Variants in DMD observed in about 807,000 individuals in gnomAD.
DMD encodes the protein dystrophin, also known as mutant dystrophin.
DMD carries 63 observed loss-of-function variants against 330.1 expected under a neutral mutation model. The ratio of observed to expected loss-of-function variants is 0.19; its 90% CI spans 0.16 to 0.24. The LOEUF (loss-of-function observed/expected upper bound fraction) is 0.24, where lower values mean the gene tolerates loss of function less well. Ranked by LOEUF, DMD falls within the 10% of genes least tolerant of loss-of-function variation. DMD has a pLI of 1.00. For missense variants in DMD, 3,344 were observed against 2,684.1 expected (o/e 1.25, Z -5.43); for synonymous variants, 1,223 against 959.8 (o/e 1.27, Z -5.07).
chrX:31,876,699 C>A (rs775357853), intron 47 of DMD, among the ~76,000 whole-genome samples: 1,371 of 104,718 alleles, frequency 0.013, 9 homozygotes, highest in Non-Finnish European at 0.022. Context: ...AAAAAAAAAA[C>A]AAAAAAAACA....
intron 2 of DMD, among the ~76,000 whole-genome samples, chrX:32,936,280 T>C (rs1461843922): frequency 9.1e-6 from 1 of 110,400 alleles, no homozygotes; most frequent in Non-Finnish European, 1.9e-5. Context: ...CCTGGCTAAT[T>C]TTGTATTTTT....
intron 44 of DMD, among the ~76,000 whole-genome samples, chrX:32,051,486 A>G (rs1399867681): frequency 9.1e-6 from 1 of 110,453 alleles, no homozygotes; most frequent in Non-Finnish European, 1.9e-5. Flanking sequence ...TTAGAAAACT[A>G]AAAATGGCCT....
chrX:32,778,872 GTATCAT>G (rs1289702514), intron 7 of DMD, among the ~76,000 whole-genome samples: 94 of 97,069 alleles, frequency 9.7e-4, no homozygotes, highest in African/African-American at 5.3e-3. Context: ...CCTGTGTCAT[GTATCAT>G]GTACTATACT....
intron 49 of DMD, among the ~76,000 whole-genome samples, chrX:31,829,140 A>G (rs1304302252): frequency 8.9e-6 from 1 of 111,751 alleles, no homozygotes; most frequent in Non-Finnish European, 1.9e-5. Flanking sequence ...ACTAAATACC[A>G]TATGTTCTCA....
At chrX:32,496,069 C>T (rs1446967996) in intron 19 of DMD, among the ~76,000 whole-genome samples, 1 of 111,655 alleles carries the variant, frequency 9.0e-6, no homozygotes, top group Non-Finnish European at 1.9e-5. Context: ...AATTTTATTA[C>T]TTGTGTACAG....
intron 44 of DMD, chrX:32,035,513 C>T (rs952896355): frequency 5.5e-5 from 16 of 289,806 alleles, no homozygotes; most frequent in South Asian, 4.0e-4. Flanking sequence ...CTTATCCTAC[C>T]GTAACTTACA....
rs1232010743 is a variant in DMD at position 31,393,647 on chromosome X, T to C, written c.9085-45013A>G. Among the ~76,000 whole-genome samples, 8 of 111,152 alleles carry C rather than the reference T, an allele frequency of 7.2e-5. No homozygotes were observed. The Admixed American group carries it at 7.7e-4, about 11-fold the overall frequency. ...ACCAACTATACACCAGGTGCTCCAC[T>C]TTGCATTTTGCAAGCATTGTCTCAT... On this transcript the variant is annotated intron_variant, in intron 60 of 78. Coordinates refer to ENST00000357033, the MANE Select transcript of DMD (RefSeq NM_004006.3).
chrX:31,555,561 A>G (rs1457410954), intron 55 of DMD, among the ~76,000 whole-genome samples: 1 of 112,037 alleles, frequency 8.9e-6, no homozygotes, highest in Non-Finnish European at 1.9e-5. Flanking sequence ...CCAGCACCGT[A>G]AGTCTTCTGC....
chrX:32,059,352 C>T (rs1221442097), intron 44 of DMD, among the ~76,000 whole-genome samples: 1 of 110,850 alleles, frequency 9.0e-6, no homozygotes, highest in East Asian at 2.8e-4. Flanking sequence ...AATGGTATAC[C>T]TGACAACATA....
chrX:32,203,816 A>G (rs1034694909), intron 44 of DMD, among the ~76,000 whole-genome samples: 2 of 112,025 alleles, frequency 1.8e-5, no homozygotes, highest in African/African-American at 6.5e-5. Flanking sequence ...TAAATTATGA[A>G]GTGCTTTGTT....
chrX:31,908,664 T>A (rs1443187511), intron 47 of DMD, among the ~76,000 whole-genome samples: 2 of 98,287 alleles, frequency 2.0e-5, no homozygotes, highest in Non-Finnish European at 4.0e-5. Context: ...CACGCATACC[T>A]ATGTAACAAA....
intron 11 of DMD, among the ~76,000 whole-genome samples, chrX:32,641,949 A>AT (rs1423675631): frequency 1.8e-5 from 2 of 111,919 alleles, no homozygotes; most frequent in Non-Finnish European, 3.8e-5. Flanking sequence ...CATGACCATG[A>AT]TAATGGAAAC....
chrX:32,773,014 T>G (rs2073787956), intron 7 of DMD, among the ~76,000 whole-genome samples: 1 of 111,886 alleles, frequency 8.9e-6, no homozygotes, highest in Non-Finnish European at 1.9e-5. Flanking sequence ...CAGCTCAGCG[T>G]GTAAAACTCT....
chrX:33,094,394 C>T (rs1005587243), intron 1 of DMD, among the ~76,000 whole-genome samples: 4 of 111,803 alleles, frequency 3.6e-5, no homozygotes, highest in Non-Finnish European at 7.5e-5. Context: ...GCCAGAGAAA[C>T]ATAGAAAGAG....
chrX:31,978,139 C>T (rs2095449859), intron 44 of DMD, among the ~76,000 whole-genome samples: 1 of 111,818 alleles, frequency 8.9e-6, no homozygotes, highest in African/African-American at 3.2e-5. Context: ...ATTTCAGGAC[C>T]TTTTCATTTG....
chrX:32,328,824 T>C (rs1009445475), intron 41 of DMD, among the ~76,000 whole-genome samples: 1 of 111,632 alleles, frequency 9.0e-6, no homozygotes, highest in Non-Finnish European at 1.9e-5. Flanking sequence ...AAACCCATAA[T>C]TTTGAAAGAA....
rs775175731 is a variant in DMD, at chrX:31,627,710, T to G, written c.8180A>C (p.Asp2727Ala). The G allele has an allele frequency of 6.6e-6, 8 of 1,209,636 alleles. No individual in the cohort carries two copies. In the East Asian group the frequency reaches 2.1e-4, roughly 31 times the overall value. ...CATCAGCTCTTTTACTCCCTTGGAG[T>G]CTTCTAGGAGCCTTTCCTTACGGGT... ...DATRKERLLE[D>A]SKGVKELMKQ... Residue 2727 changes from aspartate (D) to alanine (A), a missense_variant, in exon 55 of 79, where the codon GAC (aspartate) becomes GCC (alanine). Coordinates refer to ENST00000357033, the MANE Select transcript of DMD (RefSeq NM_004006.3).
At position 31,121,602 on chromosome X, in the gene DMD, C is replaced by A. The variant is rs2032571232; in HGVS notation, c.*317G>T. 1 of 319,813 alleles carries A rather than the reference C, an allele frequency of 3.1e-6. No homozygotes were observed. The highest frequency in any genetic ancestry group is 2.6e-5 in the African/African-American group (1 of 37,972). The allele number at this position is 319,813 out of a possible 1,213,427, so 26.4% of individuals were successfully genotyped here. On this transcript the variant is annotated 3_prime_UTR_variant, in exon 79 of 79. Coordinates refer to ENST00000357033, the MANE Select transcript of DMD (RefSeq NM_004006.3). ...AAGAAATGGCAAGTTATTTAGCTATCAAGATTTTACATGTAGTTTTCTTAT... is the reference window on the plus strand; with the variant it reads ...AAGAAATGGCAAGTTATTTAGCTATAAAGATTTTACATGTAGTTTTCTTAT...
At chrX:33,036,628 C>T (rs2094208088) in intron 1 of DMD, among the ~76,000 whole-genome samples, 2 of 111,144 alleles carry the variant, frequency 1.8e-5, no homozygotes, top group African/African-American at 6.5e-5. Flanking sequence ...TACATATTTT[C>T]AAATTACTTC....
Sources: allele counts gnomAD v4.1 joint callset (sites outside exome capture counted in the v4.1 genomes callset), GRCh38; gene constraint gnomAD v4.1.1; transcripts MANE v1.5; gene names NCBI Gene and HGNC (gene_info 2026-07-23, HGNC 2026-07-21).